Variants in TPD52 observed in about 807,000 individuals in gnomAD.
TPD52 encodes the protein prostate and colon associated protein.
A neutral mutation model predicts 31.3 loss-of-function variants in TPD52; 17 were observed. The ratio of observed to expected loss-of-function variants is 0.54; its 90% CI spans 0.37 to 0.82. The LOEUF is 0.82. Ranked by LOEUF, TPD52 falls within the 40% of genes least tolerant of loss-of-function variation. The pLI is 0.00. For synonymous variants in TPD52, 83 were observed against 89.6 expected (o/e 0.93, Z 0.42); for missense variants, 212 against 240.1 (o/e 0.88, Z 0.77).
At chr8:80,122,668 T>C (rs976203153) in intron 1 of TPD52, among the ~76,000 whole-genome samples, 1 of 152,136 alleles carries the variant, frequency 6.6e-6, no homozygotes, top group African/African-American at 2.4e-5. Context: ...TTCACAGAGA[T>C]CAGTCCACTC....
At chr8:80,058,711 T>A (rs1488517562) in intron 2 of TPD52, among the ~76,000 whole-genome samples, 2 of 152,138 alleles carry the variant, frequency 1.3e-5, no homozygotes. Flanking sequence ...GGCAGGAGAA[T>A]CGCTTGAACC....
chr8:80,110,447 T>C (rs924633595), intron 1 of TPD52, among the ~76,000 whole-genome samples: 1 of 152,092 alleles, frequency 6.6e-6, no homozygotes, highest in African/African-American at 2.4e-5. Context: ...AACCTAGCCA[T>C]GATGGTGACA....
At chr8:80,101,915 T>TTG (rs972644281) in intron 1 of TPD52, among the ~76,000 whole-genome samples, 1 of 150,182 alleles carries the variant, frequency 6.7e-6, no homozygotes, top group African/African-American at 2.4e-5. Flanking sequence ...CCAAGTGAAA[T>TTG]TGTGTGTGTG....
chr8:80,056,365 G>A (rs987884575), intron 2 of TPD52, among the ~76,000 whole-genome samples: 1 of 152,166 alleles, frequency 6.6e-6, no homozygotes, highest in Non-Finnish European at 1.5e-5. Context: ...GTTAGAGGTT[G>A]GGAAAGGGAG....
At chr8:80,064,685 A>G (rs1475054903) in intron 1 of TPD52, 92 bp from the exon 2 acceptor site, 3 of 857,484 alleles carry the variant, frequency 3.5e-6, no homozygotes, top group African/African-American at 1.7e-5. Context: ...AATAAAGCCA[A>G]TTAGAGTAGA....
intron 1 of TPD52, among the ~76,000 whole-genome samples, chr8:80,118,089 G>A (rs941071886): frequency 3.9e-5 from 6 of 152,066 alleles, no homozygotes; most frequent in Admixed American, 1.3e-4. Flanking sequence ...TCAAGATAAT[G>A]TGTTATAGAT....
chr8:80,145,866 A>AT (rs2131168176), intron 1 of TPD52, among the ~76,000 whole-genome samples: 1 of 152,198 alleles, frequency 6.6e-6, no homozygotes, highest in South Asian at 2.1e-4. Context: ...GTTTTTCCTG[A>AT]TTTTTTGGAA....
At chr8:80,100,145 G>C (rs991515013) in intron 1 of TPD52, among the ~76,000 whole-genome samples, 2 of 152,160 alleles carry the variant, frequency 1.3e-5, no homozygotes, top group East Asian at 1.9e-4. Flanking sequence ...ATAATCCTCT[G>C]GGGAAATCTC....
At chr8:80,099,754 A>G (rs1283381673) in intron 1 of TPD52, among the ~76,000 whole-genome samples, 1 of 152,058 alleles carries the variant, frequency 6.6e-6, no homozygotes, top group African/African-American at 2.4e-5. Flanking sequence ...CAAGTGATCC[A>G]CCCACCTCAG....
intron 1 of TPD52, among the ~76,000 whole-genome samples, chr8:80,111,023 T>C (rs1172690872): frequency 6.6e-6 from 1 of 152,022 alleles, no homozygotes; most frequent in Non-Finnish European, 1.5e-5. Flanking sequence ...CTGGGCAACA[T>C]AGTGAGACCT....
chr8:80,128,036 TTAGA>T (rs901948566), intron 1 of TPD52, among the ~76,000 whole-genome samples: 5 of 151,936 alleles, frequency 3.3e-5, no homozygotes, highest in East Asian at 1.9e-4. Context: ...CTAATGAAAA[TTAGA>T]TAGCTGCTGA....
chr8:80,044,108 A>T, intron 6 of TPD52, 59 bp downstream of exon 6: 1 of 1,420,098 alleles, frequency 7.0e-7, no homozygotes, highest in Non-Finnish European at 9.7e-7. Flanking sequence ...CAAGTTAAAC[A>T]TCTAAATAAA....
intron 2 of TPD52, among the ~76,000 whole-genome samples, chr8:80,061,238 C>T (rs1019553313): frequency 1.3e-5 from 2 of 151,976 alleles, no homozygotes; most frequent in Non-Finnish European, 2.9e-5. Flanking sequence ...GTGGCACATT[C>T]GTGTAATCCC....
intron 1 of TPD52, among the ~76,000 whole-genome samples, chr8:80,097,559 C>T (rs1459627455): frequency 6.6e-6 from 1 of 152,132 alleles, no homozygotes; most frequent in East Asian, 1.9e-4. Context: ...AACACCTCCC[C>T]ACTTTGCTCT....
rs1417910425 is a variant in TPD52, at chr8:80,087,856, TC to T, written c.20-23264del. Among the ~76,000 whole-genome samples the T allele has an allele frequency of 2.6e-5, 4 of 152,228 alleles. No homozygotes were observed. In the East Asian group the frequency reaches 7.7e-4, roughly 29 times the overall value. ...CACCCCACACCCCACACCTCTTCAT[TC>T]CCCGACACTGTGCCACAATAAACAA... On this transcript the variant is annotated intron_variant, in intron 1 of 7. Transcript: ENST00000518937.
chr8:80,137,337 AAGGTAAACT>A (rs1809505907), intron 1 of TPD52, among the ~76,000 whole-genome samples: 1 of 152,260 alleles, frequency 6.6e-6, no homozygotes, highest in Non-Finnish European at 1.5e-5. Context: ...AGTGAATTTT[AAGGTAAACT>A]ATATGGTGAT....
intron 1 of TPD52, among the ~76,000 whole-genome samples, chr8:80,155,544 A>G (rs187226794): frequency 6.6e-6 from 1 of 152,292 alleles, no homozygotes; most frequent in East Asian, 1.9e-4. Context: ...GAAAAGGAAA[A>G]GTAGAGAAAA....
At chr8:80,165,489 C>A (rs1486611066) in intron 1 of TPD52, among the ~76,000 whole-genome samples, 1 of 152,162 alleles carries the variant, frequency 6.6e-6, no homozygotes, top group Non-Finnish European at 1.5e-5. Context: ...TTATTTTGGG[C>A]TAAAGGCACT....
At chr8:80,043,730 G>A (rs984962213) in intron 6 of TPD52, among the ~76,000 whole-genome samples, 1 of 152,210 alleles carries the variant, frequency 6.6e-6, no homozygotes, top group Non-Finnish European at 1.5e-5. Flanking sequence ...AATATCACTT[G>A]CAAGTGCTAA....
Sources: allele counts gnomAD v4.1 joint callset (sites outside exome capture counted in the v4.1 genomes callset), GRCh38; gene constraint gnomAD v4.1.1; transcripts MANE v1.5; gene names NCBI Gene and HGNC (gene_info 2026-07-23, HGNC 2026-07-21).